The following OTOF variants were observed in gnomAD, a reference collection of about 807,000 sequenced individuals.
The protein encoded by OTOF is fer-1-like family member 2.
A neutral mutation model predicts 236.8 loss-of-function variants in OTOF; 218 were observed. The observed-to-expected ratio is 0.92, with a 90% CI of 0.82 to 1.03. OTOF has a LOEUF of 1.03. Ranked by LOEUF, OTOF falls within the 50% of genes least tolerant of loss-of-function variation. The pLI is 0.00. For synonymous variants in OTOF, 1,041 were observed against 1,072.5 expected (o/e 0.97, Z 0.57); for missense variants, 2,590 against 2,694.4 (o/e 0.96, Z 0.86).
At chr2:26,531,176 C>A (rs1021038598) in intron 2 of OTOF, among the ~76,000 whole-genome samples, 1 of 152,196 alleles carries the variant, frequency 6.6e-6, no homozygotes, top group Admixed American at 6.5e-5. Flanking sequence ...GCTGAGGCAG[C>A]CTCTGTGAGC....
Position 26,494,891 on chromosome 2 carries a change from C to T in OTOF, c.897+51G>A. On this transcript the variant is annotated intron_variant, in intron 9 of 46. Coordinates refer to ENST00000272371, the MANE Select transcript of OTOF (RefSeq NM_194248.3). The stretch of plus-strand genomic sequence containing the variant: ...CTATTTCTCCTGGGGAGGGCTGGGG[C>T]CACCCTCCTGCCATATTTACAGAGG... 2 of 1,611,008 alleles carry T rather than the reference C, an allele frequency of 1.2e-6. 1 individual carries two copies. Among genetic ancestry groups the T allele is most frequent in the South Asian group, 2.2e-5 (2 of 91,004 alleles).
At chr2:26,537,582 G>T in intron 2 of OTOF, 134 bp downstream of exon 2, 1 of 720,660 alleles carries the variant, frequency 1.4e-6, no homozygotes. Flanking sequence ...TCAGGAAGCA[G>T]CTGAGAGGTG....
Position 26,473,429 on chromosome 2 carries a change from T to G in OTOF, c.3547A>C (p.Thr1183Pro), listed in dbSNP as rs767414811. ...ACCACTTCAAACCACTTGACGAGGG[T>G]GTTGAAGTTGGGGTTCTTCTTATAA... is the stretch of plus-strand genomic sequence containing the variant. ...HNYKKNPNFN[T>P]LVKWFEVDLP... The change falls in exon 28 of 47, where the codon ACC becomes CCC. Residue 1183 changes from threonine to proline, a missense_variant. By Grantham distance (38) the Thr-to-Pro change is conservative. Transcript: ENST00000272371. The surrounding 1 kb of genome is among the most constrained non-coding windows in gnomAD (Gnocchi z 7.2). 2.5e-6 allele frequency: 4 copies of G among 1,613,218 alleles called. No homozygotes were observed. The South Asian group carries it at 4.4e-5, about 18-fold the overall frequency.
chr2:26,527,739 C>T, intron 3 of OTOF, 93 bp downstream of exon 3: 7 of 928,448 alleles, frequency 7.5e-6, no homozygotes, highest in Non-Finnish European at 1.3e-5. Context: ...GTGTAGGTCC[C>T]CTTTTTAAGC....
At chr2:26,459,552 CAA>C (rs58695074) in intron 46 of OTOF, among the ~76,000 whole-genome samples, 4,962 of 69,036 alleles carry the variant, frequency 0.072, 95 homozygotes, top group East Asian at 0.2. Context: ...ACTCTGTCTC[CAA>C]AAAAAAAAAA....
chr2:26,481,957 C>T (rs1665551251), intron 14 of OTOF, among the ~76,000 whole-genome samples: 2 of 152,116 alleles, frequency 1.3e-5, no homozygotes. Context: ...CACTCTATGT[C>T]CTTGGAACCC....
intron 5 of OTOF, among the ~76,000 whole-genome samples, chr2:26,515,204 A>G (rs1262441317): frequency 1.3e-5 from 2 of 152,224 alleles, no homozygotes; most frequent in African/African-American, 2.4e-5. Context: ...TCACACGACT[A>G]GTAAGAGGCA....
Position 26,470,997 on chromosome 2 carries a change from G to T in OTOF, c.3894+124C>A. On this transcript the variant is annotated intron_variant, in intron 31 of 46. Coordinates refer to ENST00000272371, the MANE Select transcript of OTOF (RefSeq NM_194248.3). The surrounding 1 kb of genome is among the most constrained non-coding windows in gnomAD (Gnocchi z 4.3). ...TTTTCCACTGCATCTTAGGGGAGGT[G>T]TGCTGGCCCAAGCATGCGGGGGCTG... The T allele has an allele frequency of 7.8e-7, 1 of 1,284,290 alleles. No homozygotes were observed. Among genetic ancestry groups the T allele is most frequent in the Non-Finnish European group, 1.1e-6 (1 of 883,058 alleles). The allele number at this position is 1,284,290 out of a possible 1,614,324, so 79.6% of individuals were successfully genotyped here.
intron 5 of OTOF, among the ~76,000 whole-genome samples, chr2:26,513,613 C>T (rs551481089): frequency 1.3e-4 from 20 of 152,326 alleles, no homozygotes; most frequent in Admixed American, 6.5e-4. Context: ...TTGCCAGCAA[C>T]GGGATTTTCC....
At chr2:26,556,774 G>C (rs1440576523) in intron 1 of OTOF, among the ~76,000 whole-genome samples, 2 of 152,184 alleles carry the variant, frequency 1.3e-5, no homozygotes, top group East Asian at 3.9e-4. Context: ...CTGAACCTTG[G>C]TTTCTCGGCC....
chr2:26,536,981 G>A (rs75091320), intron 2 of OTOF, among the ~76,000 whole-genome samples: 8 of 152,176 alleles, frequency 5.3e-5, no homozygotes, highest in Non-Finnish European at 1.2e-4. Flanking sequence ...CCGAGGGGAA[G>A]GGCAGGGAGA....
chr2:26,474,170 C>A, intron 26 of OTOF, 60 bp from the exon 27 acceptor site: 1 of 1,608,144 alleles, frequency 6.2e-7, no homozygotes, highest in Admixed American at 1.7e-5. Flanking sequence ...TCTCTTTCCC[C>A]ATGAGTTGTT....
chr2:26,467,047 G>T lies in OTOF; in HGVS notation c.4362+52C>A, dbSNP rs545722538. On this transcript the variant is annotated intron_variant, in intron 35 of 46. Coordinates refer to ENST00000272371, the MANE Select transcript of OTOF (RefSeq NM_194248.3). ...GGGAGGTGAGTGGGGGAACCTGTGG[G>T]GGGGGCAAGGGCTGGCGGGTGCTCA... 1,861 of 1,607,252 alleles carry T rather than the reference G, an allele frequency of 1.2e-3. 8 individuals are homozygous for T. Among genetic ancestry groups the T allele is most frequent in the South Asian group, 4.8e-3 (437 of 91,010 alleles).
intron 3 of OTOF, among the ~76,000 whole-genome samples, chr2:26,520,693 G>T (rs972823050): frequency 6.6e-6 from 1 of 152,238 alleles, no homozygotes; most frequent in Admixed American, 6.5e-5. Context: ...GGGGCCAGGA[G>T]CCCTGGAGCT....
intron 1 of OTOF, among the ~76,000 whole-genome samples, 154 bp downstream of exon 1, chr2:26,558,339 C>T (rs1417375496): frequency 6.6e-6 from 1 of 152,130 alleles, no homozygotes; most frequent in Non-Finnish European, 1.5e-5. Context: ...CAGTCCCAGG[C>T]AGATGACTAC....
At chr2:26,517,570 C>T (rs1373956919) in intron 4 of OTOF, among the ~76,000 whole-genome samples, 1 of 152,176 alleles carries the variant, frequency 6.6e-6, no homozygotes, top group Non-Finnish European at 1.5e-5. Flanking sequence ...TGAGCCCAGG[C>T]TGCCTAACTC....
At position 26,462,642 on chromosome 2, in the gene OTOF, G is replaced by A. The variant is rs543350927; in HGVS notation, c.5193-461C>T. On this transcript the variant is annotated intron_variant, in intron 41 of 46. Transcript: ENST00000272371. This position sits in a 1 kb window ranked among gnomAD's most constrained non-coding sequence, Gnocchi z 4.7. The stretch of plus-strand genomic sequence containing the variant: ...CTCCTGGGATTGCAGACAGGGCTGC[G>A]AGCCCAGAGTGGCCCAGTGAGTTGG... Among the ~76,000 whole-genome samples, 150 of 152,336 alleles carry A rather than the reference G, an allele frequency of 9.8e-4. No homozygotes were observed. Among genetic ancestry groups the A allele is most frequent in the African/African-American group, 3.3e-3 (139 of 41,570 alleles).
chr2:26,558,421 C>T, intron 1 of OTOF, 72 bp downstream of exon 1: 1 of 1,385,106 alleles, frequency 7.2e-7, no homozygotes, highest in South Asian at 1.2e-5. Context: ...TGTCCTATCC[C>T]CGGCCACCTC....
At chr2:26,479,685 T>C in intron 16 of OTOF, 32 bp from the exon 17 acceptor site, 1 of 1,603,188 alleles carries the variant, frequency 6.2e-7, no homozygotes, top group Non-Finnish European at 8.5e-7. Context: ...AGGCCTAGAG[T>C]GCATTCCCCA....
Sources: gnomAD v4.1 joint callset for allele counts (sites outside exome capture counted in the v4.1 genomes callset) on GRCh38, gnomAD v4.1.1 for gene constraint, Gnocchi (gnomAD v3.1) non-coding constraint, MANE v1.5 for transcripts, NCBI Gene and HGNC (gene_info 2026-07-23, HGNC 2026-07-21) for gene names.